LMNA: variants seen among roughly 807,000 people sequenced by gnomAD.
LMNA encodes lamin.
Under a neutral mutation model 70.4 loss-of-function variants are expected in LMNA, and 20 were observed. The observed-to-expected ratio is 0.28, with a 90% CI of 0.20 to 0.41. LMNA has a LOEUF of 0.41. Among genes scored for constraint, LMNA ranks in the 10% least tolerant of loss-of-function variants. LMNA has a pLI of 1.00. For missense variants in LMNA, 652 were observed against 917.2 expected (o/e 0.71, Z 3.73); for synonymous variants, 339 against 372.8 (o/e 0.91, Z 1.04).
intron 1 of LMNA, among the ~76,000 whole-genome samples, chr1:156,127,840 C>A (rs140127711): frequency 6.6e-6 from 1 of 152,206 alleles, no homozygotes; most frequent in East Asian, 1.9e-4. Context: ...ACGTGCACCA[C>A]CTTGCCCGAC....
chr1:156,128,015 A>G (rs1650742896), intron 1 of LMNA, among the ~76,000 whole-genome samples: 1 of 151,948 alleles, frequency 6.6e-6, no homozygotes, highest in Admixed American at 6.6e-5. Flanking sequence ...GAGACCATAT[A>G]CTGTGGCTTG....
At chr1:156,104,987 G>A (rs905602309) in intron 3 of LMNA, among the ~76,000 whole-genome samples, 8 of 152,176 alleles carry the variant, frequency 5.3e-5, no homozygotes, top group South Asian at 2.1e-4. Context: ...TAGCCTGAGC[G>A]GGCCAGGGCC....
chr1:156,092,419 C>T (rs1648744501), intron 3 of LMNA, among the ~76,000 whole-genome samples: 1 of 151,456 alleles, frequency 6.6e-6, no homozygotes, highest in Non-Finnish European at 1.5e-5. Flanking sequence ...TGGCTCCTGT[C>T]TGTAATCCAA....
intron 1 of LMNA, among the ~76,000 whole-genome samples, chr1:156,121,568 A>G (rs950932743): frequency 3.3e-5 from 5 of 150,322 alleles, no homozygotes; most frequent in African/African-American, 1.2e-4. Flanking sequence ...TCCACCCCCC[A>G]GTGATTCGGT....
rs1651969229 is a variant in LMNA at position 156,139,947 on chromosome 1, C to T, written c.*841C>T. On this transcript the variant is annotated 3_prime_UTR_variant, in exon 12 of 12. Transcript: ENST00000368300. ...GGAAAGGGGAGAGCCTGCTGGCACC[C>T]ACCGTGGAGGAGGAAGGCAAGAGGG... 1.9e-6 allele frequency: 2 copies of T among 1,050,900 alleles called. No homozygotes were observed. The highest frequency in any genetic ancestry group is 1.3e-6 in the Non-Finnish European group (1 of 761,834). 65.1% of individuals were successfully genotyped at this position (1,050,900 alleles called of 1,614,324 possible). A position where few individuals can be genotyped will look rare whatever the true frequency, so the allele number is the denominator to read the frequency against.
chr1:156,104,398 C>T (rs570637163), intron 3 of LMNA, among the ~76,000 whole-genome samples: 2 of 152,248 alleles, frequency 1.3e-5, no homozygotes, highest in Admixed American at 6.5e-5. Context: ...TGGCGTCAGC[C>T]GAGGTAGTTG....
At position 156,138,360 on chromosome 1, in the gene LMNA, G is replaced by A; in HGVS notation, c.1699-128G>A. On this transcript the variant is annotated intron_variant, in intron 10 of 11. Transcript: ENST00000368300. This position sits in a 1 kb window ranked among gnomAD's most constrained non-coding sequence, Gnocchi z 5.5. ...CCTCCCAAACCCCCATTGCCCGCTG[G>A]CTCCTTGGGCACAGAACCACACCTT... 9.4e-7 allele frequency: 1 copy of A among 1,068,904 alleles called. No individual in the cohort carries two copies. Among genetic ancestry groups the A allele is most frequent in the Admixed American group, 2.4e-5 (1 of 41,094 alleles). The allele number at this position is 1,068,904 out of a possible 1,614,324, so 66.2% of individuals were successfully genotyped here.
intron 3 of LMNA, among the ~76,000 whole-genome samples, chr1:156,101,022 A>G (rs1007552788): frequency 2.6e-5 from 4 of 152,128 alleles, no homozygotes; most frequent in African/African-American, 7.2e-5. Flanking sequence ...TCAGAAAGCA[A>G]TGAGAGAGGT....
rs545752475 is a variant in LMNA at position 156,138,544 on chromosome 1, C to T, written c.1755C>T (p.Thr585=). Residue 585 remains threonine, a synonymous_variant, in exon 11 of 12, where the codon ACC becomes ACT. Transcript: ENST00000368300. This position sits in a 1 kb window ranked among gnomAD's most constrained non-coding sequence, Gnocchi z 5.5. ...DPAEYNLRSR[T]VLCGTCGQPA... is the part of the protein sequence containing the mutation. The stretch of plus-strand genomic sequence containing the variant: ...CTGAGTACAACCTGCGCTCGCGCAC[C>T]GTGCTGTGCGGGACCTGCGGGCAGC... The T allele has an allele frequency of 6.1e-5, 98 of 1,612,536 alleles. No individual in the cohort carries two copies. Among genetic ancestry groups the T allele is most frequent in the Non-Finnish European group, 7.8e-5 (92 of 1,179,734 alleles).
Position 156,139,611 on chromosome 1 carries a change from C to T in LMNA, c.*505C>T. The T allele has an allele frequency of 7.0e-7, 1 of 1,426,250 alleles. No homozygotes were observed. The highest frequency in any genetic ancestry group is 9.1e-7 in the Non-Finnish European group (1 of 1,096,606). 88.3% of individuals were successfully genotyped at this position (1,426,250 alleles called of 1,614,324 possible). A position where few individuals can be genotyped will look rare whatever the true frequency, so the allele number is the denominator to read the frequency against. On this transcript the variant is annotated 3_prime_UTR_variant, in exon 12 of 12. Coordinates refer to ENST00000368300, the MANE Select transcript of LMNA (RefSeq NM_170707.4). The stretch of plus-strand genomic sequence containing the variant: ...AGGGAGAGAGAGAGAGAGAGGACAG[C>T]TTGAGCCGGGCCCCTGGGCTTGGCC...
intron 3 of LMNA, among the ~76,000 whole-genome samples, chr1:156,106,096 C>G (rs1202196375): frequency 6.6e-6 from 1 of 151,522 alleles, no homozygotes; most frequent in Non-Finnish European, 1.5e-5. Flanking sequence ...GATCGCGCCA[C>G]TACACTCCAG....
At chr1:156,122,200 C>T (rs1405751821) in intron 1 of LMNA, among the ~76,000 whole-genome samples, 1 of 152,166 alleles carries the variant, frequency 6.6e-6, no homozygotes, top group Admixed American at 6.5e-5. Context: ...CCCTAGCCCT[C>T]GGTGCCCTTA....
intron 2 of LMNA, chr1:156,083,759 C>T (rs1415839149): frequency 6.6e-6 from 1 of 152,186 alleles, no homozygotes; most frequent in African/African-American, 2.4e-5. Context: ...GTCTAGATCG[C>T]AGAGTGAGAC....
chr1:156,133,682 T>TGCC lies in LMNA; in HGVS notation c.514-720_514-718dup, dbSNP rs1325823469. Among the ~76,000 whole-genome samples the TGCC allele has an allele frequency of 2.6e-5, 4 of 152,266 alleles. No homozygotes were observed. The East Asian group carries it at 7.7e-4, about 29-fold the overall frequency. ...GGGCATCTCTTCATGAGCCAGCCCC[T>TGCC]GCCTACTGACCCAGCCACCTCTCCC... On this transcript the variant is annotated intron_variant, in intron 2 of 11. Transcript: ENST00000368300.
chr1:156,107,873 C>G (rs991926291), intron 3 of LMNA, among the ~76,000 whole-genome samples: 1 of 151,168 alleles, frequency 6.6e-6, no homozygotes, highest in African/African-American at 2.4e-5. Flanking sequence ...GTGACATGAT[C>G]TCCTGCCTCA....
chr1:156,130,636 G>A lies in LMNA; in HGVS notation c.376G>A (p.Asp126Asn), dbSNP rs1351159308. 6.2e-7 allele frequency: 1 copy of A among 1,614,066 alleles called. No homozygotes were observed. Among genetic ancestry groups the A allele is most frequent in the Admixed American group, 1.7e-5 (1 of 60,036 alleles). ...LKARNTKKEGDLIAAQARLKD... is the reference protein window; with the variant it reads ...LKARNTKKEGNLIAAQARLKD... Reference sequence around the variant, plus strand: ...CTTTAGCAATACCAAGAAGGAGGGTGACCTGATAGCTGCTCAGGCTCGGCT... The same window carrying A: ...CTTTAGCAATACCAAGAAGGAGGGTAACCTGATAGCTGCTCAGGCTCGGCT... Residue 126 changes from aspartate to asparagine, a missense_variant, in exon 2 of 12, where the codon GAC (aspartate) becomes AAC (asparagine). Around this residue, in one of 4 missense-constraint regions of LMNA, gnomAD observed 254 missense variants for 421.9 expected, o/e 0.60. Coordinates refer to ENST00000368300, the MANE Select transcript of LMNA (RefSeq NM_170707.4).
chr1:156,096,374 A>G lies in LMNA; in HGVS notation c.-207+5792A>G, dbSNP rs139441878. Among the ~76,000 whole-genome samples, 316 of 152,372 alleles carry G rather than the reference A, an allele frequency of 2.1e-3. 1 individual carries two copies. Among genetic ancestry groups the G allele is most frequent in the Middle Eastern group, 6.8e-3 (2 of 294 alleles). ...TTTTCCCATCTATAAAGTGAAGCTAATAGTAGCAATTACCTCATGGGATTG... is the reference window on the plus strand; with the variant it reads ...TTTTCCCATCTATAAAGTGAAGCTAGTAGTAGCAATTACCTCATGGGATTG... On this transcript the variant is annotated intron_variant, in intron 3 of 12. Transcript: ENST00000368301.
chr1:156,137,229 G>A lies in LMNA; in HGVS notation c.1605G>A (p.Gly535=), dbSNP rs769398087. 1.1e-5 allele frequency: 17 copies of A among 1,580,210 alleles called. No homozygotes were observed. The highest frequency in any genetic ancestry group is 1.3e-5 in the African/African-American group (1 of 74,346). ...SLRTALINST[G]EEVAMRKLVR... ...GTACGGCTCTCATCAACTCCACTGG[G>A]GAAGTAAGTAGGCCTGGGCCTGGCT... The change falls in exon 9 of 12, where the codon GGG becomes GGA. Residue 535 remains glycine, a synonymous_variant. Coordinates refer to ENST00000368300, the MANE Select transcript of LMNA (RefSeq NM_170707.4). This position sits in a 1 kb window ranked among gnomAD's most constrained non-coding sequence, Gnocchi z 4.6.
chr1:156,129,106 G>A (rs971141880), intron 1 of LMNA, among the ~76,000 whole-genome samples: 1 of 152,234 alleles, frequency 6.6e-6, no homozygotes, highest in African/African-American at 2.4e-5. Flanking sequence ...GACAGAGGAG[G>A]GAATACATTC....
Sources: gnomAD v4.1 joint callset for allele counts (sites outside exome capture counted in the v4.1 genomes callset) on GRCh38, gnomAD v4.1.1 for gene constraint, gnomAD v4.1.1 regional missense constraint, Gnocchi (gnomAD v3.1) non-coding constraint, MANE v1.5 for transcripts, NCBI Gene and HGNC (gene_info 2026-07-23, HGNC 2026-07-21) for gene names.